Variants in TNS3 observed in about 807,000 individuals in gnomAD.
TNS3 encodes the protein tensin-3.
TNS3 carries 45 observed loss-of-function variants against 140.9 expected under a neutral mutation model. The ratio of observed to expected loss-of-function variants is 0.32; its 90% CI spans 0.25 to 0.41. The LOEUF is 0.41. TNS3 is among the 10% of genes least tolerant of loss of function. TNS3 has a pLI of 1.00. For synonymous variants in TNS3, 815 were observed against 788.4 expected (o/e 1.03, Z -0.56); for missense variants, 1,716 against 1,906.7 (o/e 0.90, Z 1.86).
At position 47,301,633 on chromosome 7, in the gene TNS3, GAA is replaced by G. The variant is rs113898295; in HGVS notation, c.3544+551_3544+552del. On this transcript the variant is annotated intron_variant, in intron 23 of 30. Transcript: ENST00000311160. ...AATTAGTATTAATGATTTCAAATTA[GAA>G]AAAAAAAAAAAAAAAGCCTGACATT... 3.3e-3 allele frequency among the ~76,000 whole-genome samples: 312 copies of G among 95,872 alleles called. 3 individuals are homozygous for G. Among genetic ancestry groups the G allele is most frequent in the African/African-American group, 8.7e-3 (273 of 31,548 alleles). The allele number at this position is 95,872 out of a possible 152,430, so 62.9% of individuals were successfully genotyped here.
chr7:47,480,142 G>C (rs1797362412), intron 4 of TNS3, among the ~76,000 whole-genome samples: 1 of 152,234 alleles, frequency 6.6e-6, no homozygotes, highest in African/African-American at 2.4e-5. Context: ...TCCATGTCTG[G>C]AGGCCACCAG....
At chr7:47,292,653 CTT>C (rs1289109654) in intron 26 of TNS3, among the ~76,000 whole-genome samples, 173 bp downstream of exon 26, 3 of 152,230 alleles carry the variant, frequency 2.0e-5, no homozygotes, top group African/African-American at 7.2e-5. Flanking sequence ...AGAATCTCCT[CTT>C]CTCTCCTTAA....
At chr7:47,485,945 T>C (rs957721125) in intron 3 of TNS3, among the ~76,000 whole-genome samples, 2 of 151,940 alleles carry the variant, frequency 1.3e-5, no homozygotes, top group Non-Finnish European at 2.9e-5. Flanking sequence ...CGTATGTGTG[T>C]GTGGATGAGT....
At chr7:47,455,745 G>A (rs571400933) in intron 4 of TNS3, among the ~76,000 whole-genome samples, 3 of 152,336 alleles carry the variant, frequency 2.0e-5, no homozygotes, top group African/African-American at 4.8e-5. Context: ...AGAAGAGCTC[G>A]TCTCCAGCTC....
At chr7:47,387,056 T>G (rs1792117732) in intron 16 of TNS3, among the ~76,000 whole-genome samples, 1 of 152,172 alleles carries the variant, frequency 6.6e-6, no homozygotes, top group Admixed American at 6.5e-5. Context: ...TAAGTGACAA[T>G]TTATATGCAA....
intron 24 of TNS3, among the ~76,000 whole-genome samples, chr7:47,295,076 T>C (rs530305945): frequency 6.6e-6 from 1 of 152,270 alleles, no homozygotes; most frequent in South Asian, 2.1e-4. Context: ...AATCTGAATG[T>C]CAAATCCAGG....
chr7:47,342,619 T>A (rs2150982908), intron 20 of TNS3, among the ~76,000 whole-genome samples: 1 of 152,382 alleles, frequency 6.6e-6, no homozygotes, highest in African/African-American at 2.4e-5. Flanking sequence ...CCCTGTATAA[T>A]CTGCCCATGG....
chr7:47,421,086 A>G (rs572255678), intron 10 of TNS3, among the ~76,000 whole-genome samples: 1 of 152,268 alleles, frequency 6.6e-6, no homozygotes, highest in East Asian at 1.9e-4. Flanking sequence ...CAGCTCCCCA[A>G]AGAAACAACT....
chr7:47,502,700 G>A (rs1039594663), intron 3 of TNS3, among the ~76,000 whole-genome samples: 20 of 152,238 alleles, frequency 1.3e-4, no homozygotes, highest in Non-Finnish European at 2.4e-4. Context: ...GGAGAGCGGG[G>A]AAAGGCTCCT....
chr7:47,313,032 G>A (rs920903556), intron 20 of TNS3, among the ~76,000 whole-genome samples: 33 of 152,320 alleles, frequency 2.2e-4, no homozygotes, highest in African/African-American at 7.2e-4. Context: ...AGCCAGATGA[G>A]ACCATGTGCA....
chr7:47,351,458 G>A (rs1410463180), intron 17 of TNS3, among the ~76,000 whole-genome samples: 4 of 152,044 alleles, frequency 2.6e-5, no homozygotes, highest in Non-Finnish European at 5.9e-5. Flanking sequence ...AGGGGATCTC[G>A]GTGCTCCTTT....
At chr7:47,302,392 C>G (rs1205499226) in intron 22 of TNS3, 120 bp from the exon 23 acceptor site, 1 of 775,356 alleles carries the variant, frequency 1.3e-6, no homozygotes, top group African/African-American at 1.7e-5. Context: ...GAGCGATGTT[C>G]TAAGGAAAGG....
At chr7:47,349,780 C>T (rs1305902801) in intron 17 of TNS3, among the ~76,000 whole-genome samples, 2 of 152,220 alleles carry the variant, frequency 1.3e-5, no homozygotes, top group East Asian at 1.9e-4. Context: ...AAAACCACTA[C>T]GTGCTAGGAT....
intron 9 of TNS3, among the ~76,000 whole-genome samples, chr7:47,426,099 G>A (rs1794633675): frequency 6.6e-6 from 1 of 152,100 alleles, no homozygotes; most frequent in Non-Finnish European, 1.5e-5. Flanking sequence ...TGTCCAACAT[G>A]GTGAAACCAC....
chr7:47,541,016 GA>G (rs1238463946), intron 1 of TNS3, among the ~76,000 whole-genome samples: 1 of 152,222 alleles, frequency 6.6e-6, no homozygotes, highest in African/African-American at 2.4e-5. Context: ...GGACACTCGG[GA>G]GAAAGCAGGA....
chr7:47,376,733 A>ACACACACACACACACACC (rs1791408870), intron 16 of TNS3, among the ~76,000 whole-genome samples: 1 of 151,550 alleles, frequency 6.6e-6, no homozygotes, highest in Non-Finnish European at 1.5e-5. Flanking sequence ...CAAGACACAC[A>ACACACACACACACACACC]CACACACACA....
At chr7:47,369,764 A>G in intron 16 of TNS3, 143 bp from the exon 17 acceptor site, 1 of 1,008,608 alleles carries the variant, frequency 9.9e-7, no homozygotes, top group Non-Finnish European at 1.4e-6. Flanking sequence ...AGATTCCTCT[A>G]ACATCACAAA....
chr7:47,378,719 G>A (rs1791565206), intron 16 of TNS3, among the ~76,000 whole-genome samples: 1 of 152,212 alleles, frequency 6.6e-6, no homozygotes, highest in African/African-American at 2.4e-5. Flanking sequence ...GGGATTGCAA[G>A]GGACCGAAGC....
At chr7:47,427,955 T>G (rs1794742799) in intron 9 of TNS3, among the ~76,000 whole-genome samples, 1 of 152,222 alleles carries the variant, frequency 6.6e-6, no homozygotes, top group Non-Finnish European at 1.5e-5. Context: ...ATGAGCTGAT[T>G]TAGTGAGACC....
Sources: allele counts gnomAD v4.1 joint callset (sites outside exome capture counted in the v4.1 genomes callset), GRCh38; gene constraint gnomAD v4.1.1; transcripts MANE v1.5; gene names NCBI Gene and HGNC (gene_info 2026-07-23, HGNC 2026-07-21).